SMC3: variants seen among roughly 807,000 people sequenced by gnomAD.
The protein encoded by SMC3 is structural maintenance of chromosomes 3, also known as structural maintenance of chromosomes protein 3.
A neutral mutation model predicts 171.8 loss-of-function variants in SMC3; 20 were observed. The ratio of observed to expected loss-of-function variants is 0.12; its 90% CI spans 0.08 to 0.17. The LOEUF (loss-of-function observed/expected upper bound fraction) is 0.17, where lower values mean the gene tolerates loss of function less well. SMC3 is among the 10% of genes least tolerant of loss of function. The pLI is 1.00. For synonymous variants in SMC3, 464 were observed against 451.1 expected (o/e 1.03, Z -0.36); for missense variants, 543 against 1,420.4 (o/e 0.38, Z 9.93).
chr10:110,593,349 A>G (rs2134740405), intron 18 of SMC3, 126 bp downstream of exon 18: 1 of 930,400 alleles, frequency 1.1e-6, no homozygotes, highest in South Asian at 1.4e-5. Flanking sequence ...AGGCGGGTGG[A>G]TCACCTGAAG....
intron 2 of SMC3, among the ~76,000 whole-genome samples, chr10:110,571,842 A>G (rs1590548225): frequency 6.6e-6 from 1 of 152,002 alleles, no homozygotes; most frequent in East Asian, 1.9e-4. Flanking sequence ...TTCATCATAT[A>G]ACTTACTGGT....
intron 4 of SMC3, 140 bp from the exon 5 acceptor site, chr10:110,577,281 T>A (rs567575830): frequency 4.6e-6 from 3 of 657,820 alleles, no homozygotes; most frequent in Non-Finnish European, 8.3e-6. Flanking sequence ...GTTAGATTAG[T>A]GTGTGTGTGT....
intron 27 of SMC3, 67 bp downstream of exon 27, chr10:110,603,069 A>G: frequency 6.3e-7 from 1 of 1,578,162 alleles, no homozygotes; most frequent in Non-Finnish European, 8.7e-7. Context: ...TGATGTATAT[A>G]TGAAAAAATC....
intron 18 of SMC3, among the ~76,000 whole-genome samples, chr10:110,594,922 A>G (rs1861273024): frequency 6.6e-6 from 1 of 152,134 alleles, no homozygotes; most frequent in South Asian, 2.1e-4. Flanking sequence ...TCCATATTCA[A>G]GTTTTCTCAA....
chr10:110,591,211 C>T (rs1861199739), intron 17 of SMC3, 79 bp downstream of exon 17: 17 of 1,315,208 alleles, frequency 1.3e-5, no homozygotes, highest in South Asian at 4.8e-5. Flanking sequence ...TGCTAGTGCC[C>T]AGGCACTATA....
intron 15 of SMC3, 75 bp from the exon 16 acceptor site, chr10:110,590,336 TG>T: frequency 8.4e-7 from 1 of 1,194,746 alleles, no homozygotes; most frequent in South Asian, 1.2e-5. Context: ...AAATGTATGG[TG>T]TTGTGGGCTC....
intron 23 of SMC3, 86 bp downstream of exon 23, chr10:110,601,216 G>GC: frequency 2.1e-6 from 2 of 952,630 alleles, no homozygotes; most frequent in Non-Finnish European, 3.4e-6. Flanking sequence ...ATAGGCAGAA[G>GC]CATATGCTAA....
chr10:110,600,783 C>T (rs1281764982), intron 22 of SMC3, among the ~76,000 whole-genome samples: 1 of 152,064 alleles, frequency 6.6e-6, no homozygotes, highest in African/African-American at 2.4e-5. Flanking sequence ...TATATAATTG[C>T]TATCCTGACA....
rs1861072284 is a variant in SMC3, at chr10:110,584,119, A to G, written c.1092-64A>G. 10 of 1,521,026 alleles carry G rather than the reference A, an allele frequency of 6.6e-6. No individual in the cohort carries two copies. The African/African-American group carries it at 8.2e-5, about 13-fold the overall frequency. The allele number at this position is 1,521,026 out of a possible 1,614,324, so 94.2% of individuals were successfully genotyped here. ...TATGTTTCTGTGTGCAGTTGACATT[A>G]TTGGTTGCAATTAAACTTGGTTATT... is the stretch of plus-strand genomic sequence containing the variant. On this transcript the variant is annotated intron_variant, in intron 12 of 28. Coordinates refer to ENST00000361804, the MANE Select transcript of SMC3 (RefSeq NM_005445.4).
chr10:110,576,454 A>G (rs189842398), intron 4 of SMC3, among the ~76,000 whole-genome samples: 21 of 152,314 alleles, frequency 1.4e-4, no homozygotes, highest in African/African-American at 4.3e-4. Flanking sequence ...CACATTACCA[A>G]TGTGATGTGG....
chr10:110,597,100 C>T (rs1861311997), intron 19 of SMC3, among the ~76,000 whole-genome samples: 2 of 148,814 alleles, frequency 1.3e-5, no homozygotes, highest in Non-Finnish European at 3.0e-5. Flanking sequence ...GCTGAGATCA[C>T]ACCACTGCAC....
In SMC3 at chr10:110,584,472, T is replaced by A. The variant is rs1861077974; in HGVS notation, c.1305+76T>A. Reference sequence around the variant, plus strand: ...TGTTTAGTTTTATCTACTTCAAGTTTTCTTTTTAAATAAGTCTACATGTTG... The same window carrying A: ...TGTTTAGTTTTATCTACTTCAAGTTATCTTTTTAAATAAGTCTACATGTTG... On this transcript the variant is annotated intron_variant, in intron 13 of 28. Coordinates refer to ENST00000361804, the MANE Select transcript of SMC3 (RefSeq NM_005445.4). 42 of 1,048,034 alleles carry A rather than the reference T, an allele frequency of 4.0e-5. No homozygotes were observed. In the South Asian group the frequency reaches 5.7e-4, roughly 14 times the overall value. 64.9% of individuals were successfully genotyped at this position (1,048,034 alleles called of 1,614,324 possible). A position where few individuals can be genotyped will look rare whatever the true frequency, so the allele number is the denominator to read the frequency against.
Position 110,601,150 on chromosome 10 carries a change from A to G in SMC3, c.2644+20A>G, listed in dbSNP as rs1861380222. 1 of 1,573,242 alleles carries G rather than the reference A, an allele frequency of 6.4e-7. No individual in the cohort carries two copies. The highest frequency in any genetic ancestry group is 2.2e-5 in the East Asian group (1 of 44,600). ...CAGAAGGTGAATTTTTATGTAGTAA[A>G]ATTTTGTTTATATGCATGTTTTATA... is the stretch of plus-strand genomic sequence containing the variant. On this transcript the variant is annotated intron_variant, in intron 23 of 28. Coordinates refer to ENST00000361804, the MANE Select transcript of SMC3 (RefSeq NM_005445.4).
chr10:110,574,560 A>G (rs1246486688), intron 3 of SMC3, among the ~76,000 whole-genome samples: 1 of 152,192 alleles, frequency 6.6e-6, no homozygotes, highest in Non-Finnish European at 1.5e-5. Flanking sequence ...GGCAATGATG[A>G]GAGAATGGAC....
chr10:110,594,477 GATACTA>G (rs1168506257), intron 18 of SMC3, among the ~76,000 whole-genome samples: 2 of 152,098 alleles, frequency 1.3e-5, no homozygotes, highest in African/African-American at 2.4e-5. Flanking sequence ...GGTAGTCACA[GATACTA>G]ATACTACTAC....
chr10:110,577,465 T>G lies in SMC3; in HGVS notation c.243T>G (p.Ile81Met). ...TTATTTCTGCTTTTGTGGAGATTAT[T>G]TTTGATAATTCAGACAACCGGTTAC... ...PRVISAFVEIIFDNSDNRLPI... is the reference protein window; with the variant it reads ...PRVISAFVEIMFDNSDNRLPI... Residue 81 changes from isoleucine (I) to methionine (M), a missense_variant, in exon 5 of 29, where the codon ATT becomes ATG. This residue lies in a region of SMC3 where 146 missense variants were observed against 437.9 expected (regional missense o/e 0.33). Coordinates refer to ENST00000361804, the MANE Select transcript of SMC3 (RefSeq NM_005445.4). 3.1e-6 allele frequency: 5 copies of G among 1,612,824 alleles called. No homozygotes were observed. The South Asian group carries it at 5.5e-5, about 18-fold the overall frequency.
At chr10:110,599,574 A>G (rs1861355774) in intron 20 of SMC3, 80 bp from the exon 21 acceptor site, 1 of 1,315,744 alleles carries the variant, frequency 7.6e-7, no homozygotes, top group Non-Finnish European at 1.1e-6. Flanking sequence ...TAGCTCAATC[A>G]AATATAGATT....
At chr10:110,586,427 T>C (rs1184894261) in intron 13 of SMC3, among the ~76,000 whole-genome samples, 1 of 152,246 alleles carries the variant, frequency 6.6e-6, no homozygotes, top group Non-Finnish European at 1.5e-5. Context: ...GAACTGATAG[T>C]TAACACCTCC....
intron 6 of SMC3, among the ~76,000 whole-genome samples, chr10:110,578,276 G>A (rs1197769022): frequency 6.6e-6 from 1 of 151,746 alleles, no homozygotes; most frequent in Non-Finnish European, 1.5e-5. Flanking sequence ...GTTTCACCAT[G>A]TTGGCAGGCT....
Sources: allele counts gnomAD v4.1 joint callset (sites outside exome capture counted in the v4.1 genomes callset), GRCh38; gene constraint gnomAD v4.1.1; regional missense constraint gnomAD v4.1.1; transcripts MANE v1.5; gene names NCBI Gene and HGNC (gene_info 2026-07-23, HGNC 2026-07-21).